The following GAS2 variants were observed in gnomAD, a reference collection of about 807,000 sequenced individuals.
GAS2 encodes growth arrest-specific protein 2.
A neutral mutation model predicts 37.5 loss-of-function variants in GAS2; 20 were observed. That is an observed-to-expected ratio of 0.53 (90% CI 0.37 to 0.77). GAS2 has a LOEUF of 0.77. Among genes scored for constraint, GAS2 ranks in the 30% least tolerant of loss-of-function variants. The probability of loss-of-function intolerance (pLI) is 0.00; values close to 1 mark genes in which losing one functional copy is unlikely to be tolerated. For missense variants in GAS2, 336 were observed against 373.4 expected (o/e 0.90, Z 0.82); for synonymous variants, 144 against 132.2 (o/e 1.09, Z -0.61).
intron 1 of GAS2, among the ~76,000 whole-genome samples, chr11:22,647,679 A>G (rs1051920774): frequency 2.6e-5 from 4 of 152,144 alleles, no homozygotes; most frequent in African/African-American, 9.7e-5. Context: ...GCCAGTGATG[A>G]TGAGCATTTT....
At chr11:22,688,025 C>T (rs987567395) in intron 3 of GAS2, among the ~76,000 whole-genome samples, 1 of 152,152 alleles carries the variant, frequency 6.6e-6, no homozygotes, top group Middle Eastern at 3.2e-3. Flanking sequence ...TTTTTTAAAA[C>T]AGAAGCAAAG....
At chr11:22,654,242 G>A (rs1397444857) in intron 1 of GAS2, among the ~76,000 whole-genome samples, 1 of 152,076 alleles carries the variant, frequency 6.6e-6, no homozygotes, top group Non-Finnish European at 1.5e-5. Flanking sequence ...GAATAGGAGT[G>A]CTTAATTCAA....
At position 22,669,697 on chromosome 11, in the gene GAS2, G is replaced by C. The variant is rs567082959; in HGVS notation, c.-21+2798G>C. Among the ~76,000 whole-genome samples the C allele has an allele frequency of 2.6e-4, 40 of 152,216 alleles. 1 individual carries two copies. In the South Asian group the frequency reaches 7.9e-3, roughly 30 times the overall value. On this transcript the variant is annotated intron_variant, in intron 1 of 7. Transcript: ENST00000454584. ...TAATTACGAGGAGTTTGAATATATC[G>C]TTATTGTAAGGTTCCTTTCAATTTA... is the stretch of plus-strand genomic sequence containing the variant.
chr11:22,768,511 A>G (rs1854812719), intron 7 of GAS2, among the ~76,000 whole-genome samples: 1 of 152,122 alleles, frequency 6.6e-6, no homozygotes, highest in South Asian at 2.1e-4. Flanking sequence ...ATTATGGAAA[A>G]CTGCCTTCTC....
intron 7 of GAS2, among the ~76,000 whole-genome samples, chr11:22,776,178 A>G (rs1316823898): frequency 6.6e-6 from 1 of 152,154 alleles, no homozygotes; most frequent in Admixed American, 6.5e-5. Context: ...CAAAATAGTC[A>G]GGTTTTTATG....
intron 3 of GAS2, among the ~76,000 whole-genome samples, chr11:22,719,267 C>G (rs1313619717): frequency 6.6e-6 from 1 of 152,138 alleles, no homozygotes; most frequent in Admixed American, 6.6e-5. Flanking sequence ...CCAGCACTTA[C>G]TCATGCTGGC....
At chr11:22,749,052 A>G in intron 5 of GAS2, 68 bp from the exon 6 acceptor site, 3 of 1,403,798 alleles carry the variant, frequency 2.1e-6, no homozygotes, top group Non-Finnish European at 2.9e-6. Context: ...GCTCATCATC[A>G]CATGTAATAT....
chr11:22,705,644 A>G (rs1315326569), intron 3 of GAS2, among the ~76,000 whole-genome samples: 1 of 152,216 alleles, frequency 6.6e-6, no homozygotes, highest in Non-Finnish European at 1.5e-5. Context: ...CATAACATAC[A>G]TTACAATGAA....
intron 7 of GAS2, among the ~76,000 whole-genome samples, chr11:22,769,475 T>C (rs1854865117): frequency 6.6e-6 from 1 of 152,240 alleles, no homozygotes; most frequent in Non-Finnish European, 1.5e-5. Context: ...TTCCCTCATG[T>C]ACAGCACTCA....
At chr11:22,793,917 A>G (rs1024567092) in intron 7 of GAS2, among the ~76,000 whole-genome samples, 16 of 152,150 alleles carry the variant, frequency 1.1e-4, no homozygotes, top group Non-Finnish European at 2.1e-4. Context: ...CAGTGGCTAG[A>G]TTGTGCCTAA....
chr11:22,628,594 C>T (rs923187199), intron 1 of GAS2, among the ~76,000 whole-genome samples: 3 of 152,004 alleles, frequency 2.0e-5, no homozygotes, highest in Non-Finnish European at 4.4e-5. Flanking sequence ...TATTGTAGCT[C>T]ATAAAACTTT....
intron 5 of GAS2, among the ~76,000 whole-genome samples, chr11:22,738,977 A>G (rs924763463): frequency 6.6e-6 from 1 of 152,086 alleles, no homozygotes. Context: ...TTTTCTATTT[A>G]CCCCACACTC....
intron 1 of GAS2, among the ~76,000 whole-genome samples, chr11:22,650,430 A>C (rs1211323559): frequency 1.3e-5 from 2 of 152,016 alleles, no homozygotes; most frequent in East Asian, 3.9e-4. Context: ...GATGTCTATT[A>C]GGTCCGTTTG....
chr11:22,685,129 G>T (rs1449530638), intron 2 of GAS2, among the ~76,000 whole-genome samples: 1 of 146,692 alleles, frequency 6.8e-6, no homozygotes, highest in African/African-American at 2.8e-5. Context: ...TCCTGCCACT[G>T]CACTCCAGAT....
At chr11:22,628,472 C>T (rs886798987) in intron 1 of GAS2, among the ~76,000 whole-genome samples, 4 of 152,156 alleles carry the variant, frequency 2.6e-5, no homozygotes, top group Admixed American at 6.5e-5. Flanking sequence ...TGGTTTTGAT[C>T]CCCAAATTCC....
chr11:22,675,252 A>G (rs1849371123), intron 2 of GAS2, among the ~76,000 whole-genome samples: 2 of 152,216 alleles, frequency 1.3e-5, no homozygotes, highest in Admixed American at 1.3e-4. Context: ...GGAAATATGC[A>G]GTCAGATTGC....
chr11:22,707,748 G>C (rs978244552), intron 3 of GAS2, among the ~76,000 whole-genome samples: 2 of 152,166 alleles, frequency 1.3e-5, no homozygotes, highest in Non-Finnish European at 2.9e-5. Context: ...AGAAAAACAT[G>C]GTTGATGTGG....
intron 1 of GAS2, among the ~76,000 whole-genome samples, chr11:22,639,987 G>A (rs1858889975): frequency 6.6e-6 from 1 of 152,062 alleles, no homozygotes; most frequent in Admixed American, 6.6e-5. Flanking sequence ...TTACCACCTG[G>A]ACATCTATAC....
At chr11:22,684,220 G>A (rs1336933426) in intron 2 of GAS2, among the ~76,000 whole-genome samples, 2 of 152,168 alleles carry the variant, frequency 1.3e-5, no homozygotes, top group African/African-American at 2.4e-5. Flanking sequence ...GAGACCTTTG[G>A]ATATTGGGTT....
Sources: gnomAD v4.1 joint callset for allele counts (sites outside exome capture counted in the v4.1 genomes callset) on GRCh38, gnomAD v4.1.1 for gene constraint, MANE v1.5 for transcripts, NCBI Gene and HGNC (gene_info 2026-07-23, HGNC 2026-07-21) for gene names.